Variants in LAPTM4B observed in about 807,000 individuals in gnomAD.
LAPTM4B encodes lysosomal-associated transmembrane protein 4B.
In LAPTM4B, 26 loss-of-function variants were observed where a neutral mutation model predicts 28.5. The observed-to-expected ratio is 0.91, with a 90% CI of 0.67 to 1.27. The LOEUF is 1.27. Among genes scored for constraint, LAPTM4B ranks in the 50% most tolerant of loss-of-function variants. LAPTM4B has a pLI of 0.00. For synonymous variants in LAPTM4B, 109 were observed against 106.4 expected (o/e 1.02, Z -0.15); for missense variants, 288 against 285.8 (o/e 1.01, Z -0.06).
At chr8:97,808,623 T>C (rs902636292) in intron 2 of LAPTM4B, among the ~76,000 whole-genome samples, 5 of 152,084 alleles carry the variant, frequency 3.3e-5, no homozygotes, top group Non-Finnish European at 4.4e-5. Flanking sequence ...TATCCACTTT[T>C]CTGTACCTTT....
intron 1 of LAPTM4B, among the ~76,000 whole-genome samples, chr8:97,793,354 CA>C (rs1386910483): frequency 6.6e-6 from 1 of 150,972 alleles, no homozygotes; most frequent in African/African-American, 2.4e-5. Context: ...TTTTTCTGTT[CA>C]GAAAAAAAAA....
chr8:97,809,427 C>T (rs769784025), intron 2 of LAPTM4B, among the ~76,000 whole-genome samples: 7 of 152,232 alleles, frequency 4.6e-5, no homozygotes, highest in South Asian at 2.1e-4. Context: ...AGACCAGGTG[C>T]GGTAGCTCAC....
At chr8:97,776,311 G>T (rs1390758156) in intron 1 of LAPTM4B, among the ~76,000 whole-genome samples, 1 of 152,230 alleles carries the variant, frequency 6.6e-6, no homozygotes, top group Admixed American at 6.5e-5. Flanking sequence ...TTGGGGCGAT[G>T]GGGGAGGCCA....
In LAPTM4B at chr8:97,808,876, G is replaced by A. The variant is rs555261539; in HGVS notation, c.211+3412G>A. ...CTTGGGAGGCTGAGGCAGGAGAATC[G>A]CTTTAACCCGGGAGGCAGAGGCTGC... On this transcript the variant is annotated intron_variant, in intron 2 of 6. Transcript: ENST00000521545. Among the ~76,000 whole-genome samples the A allele has an allele frequency of 4.6e-5, 7 of 151,912 alleles. No homozygotes were observed. The South Asian group carries it at 1.5e-3, about 32-fold the overall frequency.
chr8:97,795,732 A>G (rs973982300), intron 1 of LAPTM4B, among the ~76,000 whole-genome samples: 5 of 149,998 alleles, frequency 3.3e-5, no homozygotes, highest in African/African-American at 1.2e-4. Context: ...ACTTGCCTGT[A>G]GTCCCAGCTA....
At chr8:97,848,421 T>TATCTTCAAG (rs759111429) in intron 6 of LAPTM4B, among the ~76,000 whole-genome samples, 24 of 151,538 alleles carry the variant, frequency 1.6e-4, no homozygotes, top group Non-Finnish European at 3.2e-4. Flanking sequence ...TTTTCAAGAA[T>TATCTTCAAG]ATCTTATGTT....
intron 6 of LAPTM4B, among the ~76,000 whole-genome samples, chr8:97,841,463 G>A (rs892847541): frequency 2.6e-5 from 4 of 152,206 alleles, no homozygotes; most frequent in African/African-American, 7.2e-5. Context: ...GAGTAGCTGG[G>A]ATTACAGGCG....
intron 6 of LAPTM4B, among the ~76,000 whole-genome samples, chr8:97,826,987 A>G (rs978263317): frequency 6.6e-6 from 1 of 152,262 alleles, no homozygotes; most frequent in Non-Finnish European, 1.5e-5. Flanking sequence ...CACAAGATAC[A>G]TCAGAACCTC....
At position 97,798,411 on chromosome 8, in the gene LAPTM4B, A is replaced by G. The variant is rs77899077; in HGVS notation, c.100-6942A>G. Among the ~76,000 whole-genome samples, 1,491 of 152,238 alleles carry G rather than the reference A, an allele frequency of 9.8e-3. 19 individuals are homozygous for G. Among genetic ancestry groups the G allele is most frequent in the African/African-American group, 0.034 (1,403 of 41,532 alleles). On this transcript the variant is annotated intron_variant, in intron 1 of 6. Coordinates refer to ENST00000521545, the MANE Select transcript of LAPTM4B (RefSeq NM_018407.6). ...TGTGGTGGTTCACAGACCTTCTTAT[A>G]TTAGGAAAATTCCACACTGATTAAA...
intron 6 of LAPTM4B, among the ~76,000 whole-genome samples, chr8:97,835,891 G>A (rs1013904894): frequency 7.9e-5 from 12 of 152,070 alleles, no homozygotes; most frequent in African/African-American, 2.2e-4. Context: ...CAGCGGGCGC[G>A]GGCAAGCAAG....
chr8:97,810,879 C>T (rs1354840221), intron 2 of LAPTM4B, among the ~76,000 whole-genome samples: 1 of 152,188 alleles, frequency 6.6e-6, no homozygotes, highest in East Asian at 1.9e-4. Context: ...CTTATATATA[C>T]AGTCACCTGA....
In LAPTM4B at chr8:97,811,952, C is replaced by T. The variant is rs189183276; in HGVS notation, c.212-3376C>T. Reference sequence around the variant, plus strand: ...TCCTGAGTAGCTGGGACCATAGGTGCGTACCACCATGCCTGGCTAATTTTT... The same window carrying T: ...TCCTGAGTAGCTGGGACCATAGGTGTGTACCACCATGCCTGGCTAATTTTT... On this transcript the variant is annotated intron_variant, in intron 2 of 6. Coordinates refer to ENST00000521545, the MANE Select transcript of LAPTM4B (RefSeq NM_018407.6). Among the ~76,000 whole-genome samples the T allele has an allele frequency of 5.3e-5, 8 of 151,958 alleles. No individual in the cohort carries two copies. The East Asian group carries it at 1.4e-3, about 26-fold the overall frequency.
intron 6 of LAPTM4B, among the ~76,000 whole-genome samples, chr8:97,849,703 A>T (rs931506508): frequency 6.6e-6 from 1 of 152,120 alleles, no homozygotes; most frequent in East Asian, 1.9e-4. Flanking sequence ...ATTTAGCTTG[A>T]CATGGGCTGG....
At chr8:97,796,032 C>G (rs1451443973) in intron 1 of LAPTM4B, among the ~76,000 whole-genome samples, 3 of 115,922 alleles carry the variant, frequency 2.6e-5, no homozygotes, top group Non-Finnish European at 3.7e-5. Flanking sequence ...CTCAACCTCC[C>G]GGGCTCAAGC....
At position 97,852,946 on chromosome 8, in the gene LAPTM4B, A is replaced by G; in HGVS notation, c.*1472A>G. On this transcript the variant is annotated 3_prime_UTR_variant, in exon 7 of 7. Coordinates refer to ENST00000521545, the MANE Select transcript of LAPTM4B (RefSeq NM_018407.6). ...ATAAATTACCATTGGTGTGGGGGAA[A>G]AAAGCCAAACAGAAGTAGAAAAAGG... 2.0e-6 allele frequency: 1 copy of G among 498,564 alleles called. No individual in the cohort carries two copies. The highest frequency in any genetic ancestry group is 2.7e-5 in the South Asian group (1 of 37,146). 30.9% of individuals were successfully genotyped at this position (498,564 alleles called of 1,614,324 possible). A position where few individuals can be genotyped will look rare whatever the true frequency, so the allele number is the denominator to read the frequency against.
chr8:97,825,133 G>A lies in LAPTM4B; in HGVS notation c.583G>A (p.Val195Ile). 1 of 1,603,004 alleles carries A rather than the reference G, an allele frequency of 6.2e-7. No homozygotes were observed. Among genetic ancestry groups the A allele is most frequent in the Non-Finnish European group, 8.5e-7 (1 of 1,169,976 alleles). The change falls in exon 6 of 7, where the codon GTT becomes ATT. Residue 195 changes from valine to isoleucine, a missense_variant. Coordinates refer to ENST00000521545, the MANE Select transcript of LAPTM4B (RefSeq NM_018407.6). ...GAACTCCTCTGATGTCCTGGTTTAT[G>A]TTACCAGCAATGACACTACGGTAGG... ...GRNSSDVLVY[V>I]TSNDTTVLLP...
rs1328272520 is a variant in LAPTM4B, at chr8:97,775,855, G to C, written c.-155G>C. On this transcript the variant is annotated 5_prime_UTR_variant, in exon 1 of 7. Transcript: ENST00000521545. ...GACCCGGCAGAAGCTCGGAGCTCTC[G>C]GGGTATCGAGGAGGCAGGCCCGCGG... 1 of 1,528,266 alleles carries C rather than the reference G, an allele frequency of 6.5e-7. No homozygotes were observed. The highest frequency in any genetic ancestry group is 8.8e-7 in the Non-Finnish European group (1 of 1,142,708). The allele number at this position is 1,528,266 out of a possible 1,614,324, so 94.7% of individuals were successfully genotyped here. A position where few individuals can be genotyped will look rare whatever the true frequency, so the allele number is the denominator to read the frequency against.
intron 6 of LAPTM4B, among the ~76,000 whole-genome samples, chr8:97,839,033 A>G (rs1817304035): frequency 6.6e-6 from 1 of 152,164 alleles, no homozygotes; most frequent in Non-Finnish European, 1.5e-5. Context: ...TGGTTCCAAT[A>G]TCAAAGCATC....
At chr8:97,815,978 T>C in intron 3 of LAPTM4B, 80 bp from the exon 4 acceptor site, 1 of 1,314,030 alleles carries the variant, frequency 7.6e-7, no homozygotes, top group Non-Finnish European at 1.0e-6. Context: ...CCTTTCAGAT[T>C]AATAAAATAC....
Sources: gnomAD v4.1 joint callset for allele counts (sites outside exome capture counted in the v4.1 genomes callset) on GRCh38, gnomAD v4.1.1 for gene constraint, MANE v1.5 for transcripts, NCBI Gene and HGNC (gene_info 2026-07-23, HGNC 2026-07-21) for gene names.